ZNF322: variants seen among roughly 807,000 people sequenced by gnomAD.
ZNF322 encodes the protein HLA complex group 12.
In ZNF322, 1 loss-of-function variant was observed where a neutral mutation model predicts 18.3. The ratio of observed to expected loss-of-function variants is 0.05; its 90% CI spans 0.02 to 0.26. ZNF322 has a LOEUF of 0.26. Among genes scored for constraint, ZNF322 ranks in the 10% least tolerant of loss-of-function variants. ZNF322 has a pLI of 1.00. For synonymous variants in ZNF322, 17 were observed against 130.7 expected (o/e 0.13, Z 5.93); for missense variants, 36 against 403.6 (o/e 0.09, Z 7.80).
chr6:26,649,680 TATATATATATATATATATATA>T (rs1561924854), intron 2 of ZNF322, among the ~76,000 whole-genome samples: 47 of 23,104 alleles, frequency 2.0e-3, no homozygotes, highest in South Asian at 8.5e-3. Flanking sequence ...TGTGTGTATA[TATATATATATATATATATATA>T]TTTTTTTTTT....
intron 2 of ZNF322, among the ~76,000 whole-genome samples, chr6:26,649,646 T>C (rs1765618421): frequency 4.4e-5 from 1 of 22,842 alleles, no homozygotes; most frequent in Non-Finnish European, 1.0e-4. Flanking sequence ...TATGTGTGTG[T>C]GTGTGTGTGT....
intron 3 of ZNF322, among the ~76,000 whole-genome samples, chr6:26,641,726 T>A (rs1231470249): frequency 6.6e-6 from 1 of 152,196 alleles, no homozygotes; most frequent in Non-Finnish European, 1.5e-5. Flanking sequence ...AGCAGTATGC[T>A]TGGTAAAAGT....
At chr6:26,653,571 T>C (rs1765712140) in intron 2 of ZNF322, among the ~76,000 whole-genome samples, 1 of 152,210 alleles carries the variant, frequency 6.6e-6, no homozygotes, top group Admixed American at 6.5e-5. Flanking sequence ...TATCAACTGA[T>C]GTGGAGTGAT....
At chr6:26,653,117 G>C (rs1330660207) in intron 2 of ZNF322, among the ~76,000 whole-genome samples, 1 of 152,086 alleles carries the variant, frequency 6.6e-6, no homozygotes, top group African/African-American at 2.4e-5. Flanking sequence ...TTGCTGGAGG[G>C]AATGCAAACT....
In ZNF322 at chr6:26,651,567, T is replaced by C. The variant is rs142834953; in HGVS notation, c.-246+6991A>G. ...TGCCTAATAAAAATACATTGCATAT[T>C]TGAAAATTGCTGACAGTAGATTTTA... On this transcript the variant is annotated intron_variant, in intron 2 of 3. Coordinates refer to ENST00000415922, the MANE Select transcript of ZNF322 (RefSeq NM_024639.5). The C allele has an allele frequency of 1.8e-3, 272 of 152,278 alleles. 2 individuals are homozygous for C. Among genetic ancestry groups the C allele is most frequent in the African/African-American group, 6.3e-3 (260 of 41,546 alleles). The allele number at this position is 152,278 out of a possible 1,614,324, so 9.4% of individuals were successfully genotyped here.
At chr6:26,649,322 G>C (rs1229325493) in intron 2 of ZNF322, among the ~76,000 whole-genome samples, 1 of 143,870 alleles carries the variant, frequency 7.0e-6, no homozygotes, top group African/African-American at 2.6e-5. Flanking sequence ...AACACATATA[G>C]AAATTTAGTA....
chr6:26,644,433 T>C (rs1765519586), intron 2 of ZNF322, among the ~76,000 whole-genome samples: 1 of 152,210 alleles, frequency 6.6e-6, no homozygotes, highest in African/African-American at 2.4e-5. Flanking sequence ...CTATGACACT[T>C]AGCTTATAGC....
intron 3 of ZNF322, among the ~76,000 whole-genome samples, chr6:26,640,003 ATCAC>A (rs1765439266): frequency 1.3e-5 from 2 of 152,088 alleles, no homozygotes; most frequent in African/African-American, 4.8e-5. Context: ...TCACAAGGAC[ATCAC>A]TCTAGCAATT....
chr6:26,640,749 A>C (rs1359961675), intron 3 of ZNF322, among the ~76,000 whole-genome samples: 1 of 152,184 alleles, frequency 6.6e-6, no homozygotes, highest in Non-Finnish European at 1.5e-5. Context: ...ACTCAAACCT[A>C]GAAGAGGAGT....
At chr6:26,644,800 A>G (rs1367572503) in intron 2 of ZNF322, among the ~76,000 whole-genome samples, 2 of 152,022 alleles carry the variant, frequency 1.3e-5, no homozygotes, top group African/African-American at 4.8e-5. Context: ...TTATTTATCT[A>G]TTTATTTATT....
intron 2 of ZNF322, among the ~76,000 whole-genome samples, chr6:26,654,244 T>C (rs1226273573): frequency 6.6e-6 from 1 of 152,210 alleles, no homozygotes; most frequent in East Asian, 1.9e-4. Flanking sequence ...TTAAGGTTTA[T>C]ATAGAGAATA....
chr6:26,645,342 G>A (rs374583414), intron 2 of ZNF322, among the ~76,000 whole-genome samples: 1 of 152,146 alleles, frequency 6.6e-6, no homozygotes, highest in Non-Finnish European at 1.5e-5. Flanking sequence ...CTATCAAGGA[G>A]AGCAAGGACA....
intron 2 of ZNF322, chr6:26,651,640 C>G (rs1765671064): frequency 6.6e-6 from 1 of 152,050 alleles, no homozygotes; most frequent in African/African-American, 2.4e-5. Flanking sequence ...TGTTAAATAG[C>G]TTGATTTAGC....
intron 2 of ZNF322, among the ~76,000 whole-genome samples, chr6:26,653,482 A>T (rs1765710595): frequency 6.6e-6 from 1 of 152,220 alleles, no homozygotes; most frequent in South Asian, 2.1e-4. Context: ...TATGTAAGAA[A>T]ATGGTGAATA....
At chr6:26,649,703 T>A (rs868961364) in intron 2 of ZNF322, among the ~76,000 whole-genome samples, 1,571 of 97,596 alleles carry the variant, frequency 0.016, 15 homozygotes, top group Non-Finnish European at 0.022. Flanking sequence ...ATATATATAT[T>A]TTTTTTTTTT....
chr6:26,655,550 A>G (rs187756206), intron 2 of ZNF322, among the ~76,000 whole-genome samples: 71 of 152,338 alleles, frequency 4.7e-4, no homozygotes, highest in African/African-American at 1.4e-3. Flanking sequence ...GAGAAGAGAC[A>G]TGTCTACAAT....
At chr6:26,656,050 A>G (rs1765765039) in intron 2 of ZNF322, among the ~76,000 whole-genome samples, 1 of 152,238 alleles carries the variant, frequency 6.6e-6, no homozygotes, top group South Asian at 2.1e-4. Flanking sequence ...AGAGCATATG[A>G]GTGAAGGGTA....
rs562873251 is a variant in ZNF322 at position 26,652,735 on chromosome 6, T to C, written c.-246+5823A>G. ...TAGATACCCCATAGAATGTACAACA[T>C]AAAGAGTGAACCCTAATGTAACCTA... On this transcript the variant is annotated intron_variant, in intron 2 of 3. Transcript: ENST00000415922. Among the ~76,000 whole-genome samples the C allele has an allele frequency of 7.2e-5, 11 of 152,052 alleles. No individual in the cohort carries two copies. The South Asian group carries it at 2.3e-3, about 32-fold the overall frequency.
intron 2 of ZNF322, among the ~76,000 whole-genome samples, chr6:26,644,969 C>G (rs1466365125): frequency 2.0e-5 from 3 of 152,120 alleles, no homozygotes; most frequent in Non-Finnish European, 4.4e-5. Context: ...CTCCCTCCCC[C>G]CGCACCTTGC....
Sources: gnomAD v4.1 joint callset for allele counts (sites outside exome capture counted in the v4.1 genomes callset) on GRCh38, gnomAD v4.1.1 for gene constraint, MANE v1.5 for transcripts, NCBI Gene and HGNC (gene_info 2026-07-23, HGNC 2026-07-21) for gene names.